The following TMTC2 variants were observed in gnomAD, a reference collection of about 807,000 sequenced individuals.
TMTC2 encodes the protein protein O-mannosyl-transferase TMTC2.
In TMTC2, 43 loss-of-function variants were observed where a neutral mutation model predicts 82.4. The observed-to-expected ratio is 0.52, with a 90% CI of 0.41 to 0.67. TMTC2 has a LOEUF of 0.67. Among genes scored for constraint, TMTC2 ranks in the 30% least tolerant of loss-of-function variants. The pLI is 0.00. For synonymous variants in TMTC2, 408 were observed against 381.9 expected (o/e 1.07, Z -0.80); for missense variants, 919 against 1,012.4 (o/e 0.91, Z 1.25).
intron 3 of TMTC2, among the ~76,000 whole-genome samples, chr12:82,900,806 T>C (rs1020487929): frequency 1.5e-5 from 2 of 133,146 alleles, no homozygotes; most frequent in Non-Finnish European, 3.1e-5. Flanking sequence ...CTGGAATATA[T>C]ATATATAGGA....
At chr12:83,043,511 C>T (rs182856349) in intron 9 of TMTC2, among the ~76,000 whole-genome samples, 3 of 152,258 alleles carry the variant, frequency 2.0e-5, no homozygotes, top group East Asian at 3.9e-4. Flanking sequence ...TAGTTGCTTC[C>T]GGGATGCTGG....
At chr12:82,782,300 T>G (rs1019716305) in intron 1 of TMTC2, among the ~76,000 whole-genome samples, 2 of 152,164 alleles carry the variant, frequency 1.3e-5, no homozygotes, top group African/African-American at 4.8e-5. Context: ...ATTATGTTTA[T>G]CTACTGTTTG....
chr12:82,980,088 G>A (rs897958036), intron 7 of TMTC2, among the ~76,000 whole-genome samples: 10 of 151,616 alleles, frequency 6.6e-5, no homozygotes, highest in East Asian at 1.9e-4. Context: ...TTCTATAACC[G>A]TCTTGTTATT....
intron 1 of TMTC2, among the ~76,000 whole-genome samples, chr12:82,852,965 G>T (rs539688979): frequency 6.6e-6 from 1 of 152,286 alleles, no homozygotes; most frequent in African/African-American, 2.4e-5. Flanking sequence ...ACACATTGGA[G>T]AATTTTATCA....
intron 10 of TMTC2, 80 bp from the exon 11 acceptor site, chr12:83,061,688 A>G: frequency 7.8e-7 from 1 of 1,275,008 alleles, no homozygotes; most frequent in Non-Finnish European, 1.0e-6. Flanking sequence ...TTTAAAAATT[A>G]ACATTATTTT....
At chr12:82,992,284 T>C (rs1879435539) in intron 8 of TMTC2, among the ~76,000 whole-genome samples, 1 of 152,206 alleles carries the variant, frequency 6.6e-6, no homozygotes, top group African/African-American at 2.4e-5. Context: ...CATTTGACCC[T>C]CTCCAGAGAA....
intron 1 of TMTC2, among the ~76,000 whole-genome samples, chr12:82,774,012 A>G (rs1214189191): frequency 6.6e-6 from 1 of 152,104 alleles, no homozygotes. Context: ...TGCCCTGCCA[A>G]TGGTTAGGAA....
chr12:82,703,880 T>C (rs1053384352), intron 1 of TMTC2, among the ~76,000 whole-genome samples: 3 of 152,230 alleles, frequency 2.0e-5, no homozygotes, highest in African/African-American at 7.2e-5. Flanking sequence ...AGAATGGAAG[T>C]TCTCCAGATT....
intron 10 of TMTC2, among the ~76,000 whole-genome samples, chr12:83,054,430 A>C (rs545605088): frequency 9.2e-5 from 14 of 152,122 alleles, no homozygotes; most frequent in Non-Finnish European, 1.9e-4. Context: ...TTTCCCCAGA[A>C]ATTGATGCAA....
intron 10 of TMTC2, among the ~76,000 whole-genome samples, chr12:83,053,502 TG>T (rs1188930435): frequency 6.6e-6 from 1 of 151,712 alleles, no homozygotes; most frequent in Non-Finnish European, 1.5e-5. Context: ...AATCTATAAA[TG>T]GGGGGAGGGG....
chr12:82,700,682 A>C (rs1221175245), intron 1 of TMTC2, among the ~76,000 whole-genome samples: 1 of 152,230 alleles, frequency 6.6e-6, no homozygotes, highest in Non-Finnish European at 1.5e-5. Context: ...TGAAATGTAC[A>C]TATGAAAAAC....
At chr12:82,932,935 T>A (rs1362396615) in intron 4 of TMTC2, among the ~76,000 whole-genome samples, 1 of 152,200 alleles carries the variant, frequency 6.6e-6, no homozygotes, top group Non-Finnish European at 1.5e-5. Context: ...ATTTTAAAAT[T>A]ACATCTTAGG....
intron 10 of TMTC2, among the ~76,000 whole-genome samples, chr12:83,058,568 A>G (rs531667308): frequency 6.6e-6 from 1 of 151,944 alleles, no homozygotes; most frequent in South Asian, 2.1e-4. Flanking sequence ...TATTGTTGGC[A>G]TAGGGATTAA....
intron 4 of TMTC2, among the ~76,000 whole-genome samples, chr12:82,949,811 A>G (rs1347753210): frequency 6.6e-6 from 1 of 152,138 alleles, no homozygotes; most frequent in African/African-American, 2.4e-5. Flanking sequence ...GTCTTATCTC[A>G]CTGGCAACCA....
intron 3 of TMTC2, among the ~76,000 whole-genome samples, chr12:82,927,927 A>G (rs1021980948): frequency 5.3e-5 from 8 of 152,204 alleles, no homozygotes; most frequent in African/African-American, 1.7e-4. Flanking sequence ...TATACACACT[A>G]GAAAACCAAA....
intron 7 of TMTC2, among the ~76,000 whole-genome samples, chr12:82,979,412 C>A (rs924522824): frequency 6.6e-6 from 1 of 151,572 alleles, no homozygotes; most frequent in Non-Finnish European, 1.5e-5. Flanking sequence ...AAACTGATGA[C>A]AACTTATCAC....
chr12:83,132,555 C>T lies in TMTC2; in HGVS notation c.*166C>T. 1 of 706,890 alleles carries T rather than the reference C, an allele frequency of 1.4e-6. No individual in the cohort carries two copies. Among genetic ancestry groups the T allele is most frequent in the Non-Finnish European group, 2.2e-6 (1 of 450,920 alleles). The allele number at this position is 706,890 out of a possible 1,614,324, so 43.8% of individuals were successfully genotyped here. On this transcript the variant is annotated 3_prime_UTR_variant, in exon 12 of 12. Coordinates refer to ENST00000321196, the MANE Select transcript of TMTC2 (RefSeq NM_152588.3). ...GGAAGAATCCACTTTGCTGTAGGCA[C>T]AGCTGTTAACACCAAAAAGGGGAAA...
At chr12:82,727,979 G>C (rs1053386033) in intron 1 of TMTC2, among the ~76,000 whole-genome samples, 19 of 152,084 alleles carry the variant, frequency 1.2e-4, no homozygotes, top group Non-Finnish European at 2.8e-4. Flanking sequence ...AGTTTCAAGA[G>C]GGTAAGTCAA....
chr12:82,797,482 G>A (rs183737879), intron 1 of TMTC2, among the ~76,000 whole-genome samples: 274 of 152,172 alleles, frequency 1.8e-3, no homozygotes, highest in Admixed American at 4.2e-3. Context: ...CCTCTGGTAC[G>A]GTCTCCTGAT....
Sources: allele counts gnomAD v4.1 joint callset (sites outside exome capture counted in the v4.1 genomes callset), GRCh38; gene constraint gnomAD v4.1.1; transcripts MANE v1.5; gene names NCBI Gene and HGNC (gene_info 2026-07-23, HGNC 2026-07-21).